The following RABEP1 variants were observed in gnomAD, a reference collection of about 807,000 sequenced individuals.
RABEP1 encodes the protein rab GTPase-binding effector protein 1.
In RABEP1, 51 loss-of-function variants were observed where a neutral mutation model predicts 123.4. That is an observed-to-expected ratio of 0.41 (90% CI 0.33 to 0.52). The LOEUF is 0.52. Among genes scored for constraint, RABEP1 ranks in the 20% least tolerant of loss-of-function variants. The probability of loss-of-function intolerance (pLI) is 0.16; values close to 1 mark genes in which losing one functional copy is unlikely to be tolerated. For synonymous variants in RABEP1, 347 were observed against 355.2 expected (o/e 0.98, Z 0.26); for missense variants, 888 against 996.3 (o/e 0.89, Z 1.46).
intron 2 of RABEP1, among the ~76,000 whole-genome samples, chr17:5,331,027 CTTTTT>C (rs1187502263): frequency 2.1e-4 from 18 of 87,062 alleles, no homozygotes; most frequent in Admixed American, 2.0e-3. Context: ...TATCTCTTAA[CTTTTT>C]TTTTTTTTTT....
At chr17:5,342,293 A>C (rs9916741) in intron 5 of RABEP1, among the ~76,000 whole-genome samples, 1 of 152,332 alleles carries the variant, frequency 6.6e-6, no homozygotes, top group East Asian at 1.9e-4. Flanking sequence ...CAGGGTCCTT[A>C]TAGACTACAT....
intron 5 of RABEP1, among the ~76,000 whole-genome samples, chr17:5,340,719 G>A (rs1373660238): frequency 6.6e-6 from 1 of 151,706 alleles, no homozygotes; most frequent in East Asian, 1.9e-4. Flanking sequence ...GGCTGAGGTG[G>A]GTGGATCGCC....
In RABEP1 at chr17:5,323,792, A is replaced by ATT. The variant is rs1441350922; in HGVS notation, c.164-8156_164-8155insTT. On this transcript the variant is annotated intron_variant, in intron 2 of 17. Coordinates refer to ENST00000537505, the MANE Select transcript of RABEP1 (RefSeq NM_004703.6). Reference sequence around the variant, plus strand: ...TATATATCTAGGAATATATATATATATCTAGGAATATATATATATATCTAG... The same window carrying ATT: ...TATATATCTAGGAATATATATATATATTTCTAGGAATATATATATATATCTAG... 1.6e-3 allele frequency among the ~76,000 whole-genome samples: 179 copies of ATT among 108,646 alleles called. 8 individuals are homozygous for ATT. The highest frequency in any genetic ancestry group is 2.4e-3 in the East Asian group (8 of 3,392). The allele number at this position is 108,646 out of a possible 152,430, so 71.3% of individuals were successfully genotyped here.
chr17:5,333,275 G>C (rs1906740469), intron 3 of RABEP1, among the ~76,000 whole-genome samples: 1 of 152,102 alleles, frequency 6.6e-6, no homozygotes. Context: ...CGATTCTCCT[G>C]CCTCAGTCTC....
intron 2 of RABEP1, among the ~76,000 whole-genome samples, chr17:5,328,145 A>G (rs971484521): frequency 2.0e-5 from 3 of 152,250 alleles, no homozygotes; most frequent in Admixed American, 2.0e-4. Flanking sequence ...ACATATACGC[A>G]CTGTAATGAT....
intron 1 of RABEP1, among the ~76,000 whole-genome samples, chr17:5,294,892 G>C (rs376984031): frequency 1.3e-5 from 2 of 150,648 alleles, no homozygotes; most frequent in African/African-American, 2.4e-5. Context: ...GTGATCTGCC[G>C]GCCTCGGCCT....
chr17:5,302,761 C>G (rs2075147308), intron 1 of RABEP1, among the ~76,000 whole-genome samples: 1 of 151,994 alleles, frequency 6.6e-6, no homozygotes, highest in African/African-American at 2.4e-5. Flanking sequence ...CTCCTGGCCT[C>G]AAGCAGTCCT....
chr17:5,288,831 G>A (rs138238081), intron 1 of RABEP1, among the ~76,000 whole-genome samples: 7,703 of 152,124 alleles, frequency 0.051, 336 homozygotes, highest in African/African-American at 0.12. Context: ...AGCCCCTCAA[G>A]TAGCTGGGAT....
At chr17:5,288,043 C>T (rs1342926726) in intron 1 of RABEP1, among the ~76,000 whole-genome samples, 4 of 151,942 alleles carry the variant, frequency 2.6e-5, no homozygotes, top group South Asian at 2.1e-4. Flanking sequence ...GATTTGCTGA[C>T]GGATTGAATA....
intron 2 of RABEP1, among the ~76,000 whole-genome samples, chr17:5,311,196 C>G (rs2075236890): frequency 1.3e-5 from 2 of 152,138 alleles, no homozygotes; most frequent in Admixed American, 1.3e-4. Flanking sequence ...CACTAGGGCA[C>G]TGGGATCCAG....
At chr17:5,311,778 A>C (rs2075245566) in intron 2 of RABEP1, among the ~76,000 whole-genome samples, 1 of 151,550 alleles carries the variant, frequency 6.6e-6, no homozygotes, top group South Asian at 2.1e-4. Context: ...TTTGAGATAT[A>C]TTGGTTCTCA....
At chr17:5,294,631 G>GTTTTTT (rs1355713572) in intron 1 of RABEP1, among the ~76,000 whole-genome samples, 19 of 50,098 alleles carry the variant, frequency 3.8e-4, no homozygotes, top group Admixed American at 8.9e-4. Flanking sequence ...AAACGGTATT[G>GTTTTTT]TCTTTTTTTT....
intron 2 of RABEP1, among the ~76,000 whole-genome samples, chr17:5,310,865 A>G (rs937519518): frequency 6.8e-6 from 1 of 146,762 alleles, no homozygotes; most frequent in Admixed American, 6.9e-5. Context: ...GCTGAAGTGC[A>G]GTGGTGTGAT....
chr17:5,361,282 C>G lies in RABEP1; in HGVS notation c.1170C>G (p.Phe390Leu), dbSNP rs779062201. 15 of 1,614,036 alleles carry G rather than the reference C, an allele frequency of 9.3e-6. No individual in the cohort carries two copies. Among genetic ancestry groups the G allele is most frequent in the Non-Finnish European group, 1.3e-5 (15 of 1,180,032 alleles). The change falls in exon 9 of 18, where the codon TTC becomes TTG. Residue 390 changes from phenylalanine (F) to leucine (L), a missense_variant. By Grantham distance (22) the Phe-to-Leu change is conservative. Transcript: ENST00000537505. ...AGLLLPSGDPFSKSDNDMFKD... is the reference protein window; with the variant it reads ...AGLLLPSGDPLSKSDNDMFKD... ...TGCTGTTGCCATCTGGAGATCCTTT[C>G]AGTAAATCGGACAATGACATGTTTA...
intron 12 of RABEP1, among the ~76,000 whole-genome samples, chr17:5,372,564 CAG>C (rs1332295898): frequency 2.0e-5 from 3 of 152,340 alleles, no homozygotes; most frequent in Non-Finnish European, 2.9e-5. Flanking sequence ...CGAGCCTAAA[CAG>C]AGGTATACAT....
At chr17:5,305,370 T>C (rs1211572729) in intron 1 of RABEP1, among the ~76,000 whole-genome samples, 1 of 152,170 alleles carries the variant, frequency 6.6e-6, no homozygotes, top group Non-Finnish European at 1.5e-5. Context: ...AGAGCCAGGC[T>C]TTGTGGGTAT....
chr17:5,381,480 T>C lies in RABEP1; in HGVS notation c.2462T>C (p.Phe821Ser). 1 of 1,613,504 alleles carries C rather than the reference T, an allele frequency of 6.2e-7. No homozygotes were observed. The highest frequency in any genetic ancestry group is 8.5e-7 in the Non-Finnish European group (1 of 1,179,718). Residue 821 changes from phenylalanine (F) to serine (S), a missense_variant, in exon 17 of 18, where the codon TTT (phenylalanine) becomes TCT (serine). Physicochemically the swap from Phe to Ser is radical, Grantham distance 155. Coordinates refer to ENST00000537505, the MANE Select transcript of RABEP1 (RefSeq NM_004703.6). ...GTCAGTGAGCAAGTCCAGAGGGATT[T>C]TGTAAAGCTTTCACAGACCCTTCAG... ...LDVSEQVQRD[F>S]VKLSQTLQVQ...
chr17:5,326,506 G>C (rs1905981801), intron 2 of RABEP1, among the ~76,000 whole-genome samples: 1 of 152,202 alleles, frequency 6.6e-6, no homozygotes, highest in Non-Finnish European at 1.5e-5. Flanking sequence ...TGAATATGTA[G>C]AGTACAGAGA....
intron 5 of RABEP1, among the ~76,000 whole-genome samples, chr17:5,344,911 T>C (rs1484685882): frequency 6.6e-6 from 1 of 151,546 alleles, no homozygotes; most frequent in African/African-American, 2.4e-5. Flanking sequence ...TGCAGTAAGC[T>C]GAGATCGCGG....
Sources: gnomAD v4.1 joint callset for allele counts (sites outside exome capture counted in the v4.1 genomes callset) on GRCh38, gnomAD v4.1.1 for gene constraint, MANE v1.5 for transcripts, NCBI Gene and HGNC (gene_info 2026-07-23, HGNC 2026-07-21) for gene names.